The following NEDD4 variants were observed in gnomAD, a reference collection of about 807,000 sequenced individuals.
NEDD4 encodes the protein NEDD4 E3 ubiquitin protein ligase.
Under a neutral mutation model 144.9 loss-of-function variants are expected in NEDD4, and 99 were observed. The observed-to-expected ratio is 0.68, with a 90% CI of 0.58 to 0.81. NEDD4 has a LOEUF of 0.81. NEDD4 is among the 30% of genes least tolerant of loss of function. The pLI, the probability that NEDD4 is intolerant of heterozygous loss-of-function variation, is 0.00. For missense variants in NEDD4, 985 were observed against 1,065.9 expected (o/e 0.92, Z 1.06); for synonymous variants, 318 against 350.6 (o/e 0.91, Z 1.04).
At chr15:55,893,940 G>A (rs905940209) in intron 5 of NEDD4, among the ~76,000 whole-genome samples, 13 of 151,714 alleles carry the variant, frequency 8.6e-5, no homozygotes, top group African/African-American at 3.2e-4. Flanking sequence ...TATTGACTGT[G>A]CTTTATACTA....
chr15:55,848,990 T>A, intron 14 of NEDD4, 104 bp from the exon 15 acceptor site: 1 of 886,346 alleles, frequency 1.1e-6, no homozygotes, highest in Non-Finnish European at 1.8e-6. Context: ...TAAAATATTC[T>A]CTTGTAAAAG....
chr15:55,982,745 A>C (rs1028321477), intron 1 of NEDD4, among the ~76,000 whole-genome samples: 1 of 152,188 alleles, frequency 6.6e-6, no homozygotes, highest in Non-Finnish European at 1.5e-5. Flanking sequence ...CCCCACCCCC[A>C]TTCCATAAAA....
intron 4 of NEDD4, among the ~76,000 whole-genome samples, chr15:55,939,139 C>A (rs1314798416): frequency 8.6e-6 from 1 of 116,854 alleles, no homozygotes; most frequent in Non-Finnish European, 1.8e-5. Flanking sequence ...AAAAAACCCA[C>A]CACCAACAAT....
intron 5 of NEDD4, among the ~76,000 whole-genome samples, chr15:55,900,739 G>A (rs1187977382): frequency 2.0e-5 from 3 of 152,054 alleles, no homozygotes; most frequent in Non-Finnish European, 2.9e-5. Context: ...CTATATAAAT[G>A]TAAAATTATA....
intron 19 of NEDD4, among the ~76,000 whole-genome samples, chr15:55,841,667 G>A (rs184982823): frequency 1.3e-5 from 2 of 152,140 alleles, no homozygotes; most frequent in South Asian, 2.1e-4. Flanking sequence ...CGCCTTCCGG[G>A]TTCACGCCAT....
intron 1 of NEDD4, among the ~76,000 whole-genome samples, chr15:55,979,047 C>A (rs2037752245): frequency 6.6e-6 from 1 of 151,034 alleles, no homozygotes; most frequent in Admixed American, 6.6e-5. Flanking sequence ...TGTCCCCCAC[C>A]CTAGTAAGTC....
intron 5 of NEDD4, among the ~76,000 whole-genome samples, chr15:55,912,542 C>G (rs1040981651): frequency 6.6e-6 from 1 of 152,000 alleles, no homozygotes; most frequent in African/African-American, 2.4e-5. Flanking sequence ...TGCTAATGCA[C>G]ATTAAATAAT....
In NEDD4 at chr15:55,951,539, G is replaced by C. The variant is rs1278877107; in HGVS notation, c.170C>G (p.Thr57Arg). 1 of 1,521,884 alleles carries C rather than the reference G, an allele frequency of 6.6e-7. No individual in the cohort carries two copies. 94.3% of individuals were successfully genotyped at this position (1,521,884 alleles called of 1,614,324 possible). ...TTTAATGGTTTTTGTTTGCACACTT[G>C]TAAGAACTCCATTCATTGGGTCATA... is the stretch of plus-strand genomic sequence containing the variant. Reference protein sequence around the residue: ...TLYDPMNGVLTSVQTKTIKKS... With the variant: ...TLYDPMNGVLRSVQTKTIKKS... The change falls in exon 3 of 29, where the codon ACA becomes AGA. Residue 57 changes from threonine (T) to arginine (R), a missense_variant. Physicochemically the swap from Thr to Arg is moderately conservative, Grantham distance 71 (BLOSUM62 -1). Transcript: ENST00000435532.
intron 5 of NEDD4, chr15:55,915,286 T>C (rs749075110): frequency 6.4e-7 from 1 of 1,556,518 alleles, no homozygotes; most frequent in Non-Finnish European, 8.6e-7. Context: ...AAACTTACCT[T>C]GCAAGAATTA....
At chr15:55,924,983 G>A (rs1457492218) in intron 4 of NEDD4, among the ~76,000 whole-genome samples, 2 of 152,326 alleles carry the variant, frequency 1.3e-5, no homozygotes, top group East Asian at 1.9e-4. Context: ...CAGGAAAATC[G>A]CTTCAACCTG....
intron 1 of NEDD4, among the ~76,000 whole-genome samples, chr15:55,967,462 G>A (rs2037533654): frequency 6.6e-6 from 1 of 150,936 alleles, no homozygotes; most frequent in African/African-American, 2.4e-5. Context: ...GTGTGTGTGT[G>A]TGTGTGTGTG....
chr15:55,860,969 C>T (rs74015312), intron 9 of NEDD4, among the ~76,000 whole-genome samples, 191 bp from the exon 10 acceptor site: 4,412 of 152,180 alleles, frequency 0.029, 228 homozygotes, highest in African/African-American at 0.1. Flanking sequence ...GAGTACCTTA[C>T]GGAGTTTAAG....
chr15:55,950,419 A>T (rs374096436), intron 4 of NEDD4, among the ~76,000 whole-genome samples: 5 of 152,298 alleles, frequency 3.3e-5, no homozygotes, highest in South Asian at 4.1e-4. Flanking sequence ...ACAAACAAAA[A>T]ATCTTTAAAC....
intron 1 of NEDD4, among the ~76,000 whole-genome samples, chr15:55,985,650 T>C (rs768150868): frequency 6.6e-6 from 1 of 152,128 alleles, no homozygotes; most frequent in Admixed American, 6.5e-5. Context: ...TAGGTTTGAA[T>C]TGGAAAAAAT....
intron 2 of NEDD4, among the ~76,000 whole-genome samples, chr15:55,952,007 ACTG>A (rs2037249178): frequency 6.6e-6 from 1 of 151,436 alleles, no homozygotes; most frequent in South Asian, 2.1e-4. Context: ...GTAAAGGCAA[ACTG>A]CTTTCACTTA....
At chr15:55,894,678 G>C (rs1480823277) in intron 5 of NEDD4, among the ~76,000 whole-genome samples, 3 of 152,078 alleles carry the variant, frequency 2.0e-5, no homozygotes, top group African/African-American at 7.2e-5. Context: ...AATTATCACA[G>C]ACTTGTGAAA....
At chr15:55,838,960 A>T (rs997783858) in intron 21 of NEDD4, among the ~76,000 whole-genome samples, 3 of 152,226 alleles carry the variant, frequency 2.0e-5, no homozygotes, top group African/African-American at 7.2e-5. Context: ...CTGGATATCC[A>T]GGAGCACTTA....
rs1347006823 is a variant in NEDD4, at chr15:55,839,996, AAAAATATATATATATATATATATATAT to A, written c.2031+424_2031+450del. 2.7e-3 allele frequency among the ~76,000 whole-genome samples: 79 copies of A among 29,320 alleles called. 4 individuals carry two copies. Among genetic ancestry groups the A allele is most frequent in the Admixed American group, 4.2e-3 (9 of 2,120 alleles). 19.2% of individuals were successfully genotyped at this position (29,320 alleles called of 152,430 possible). On this transcript the variant is annotated intron_variant, in intron 21 of 28. Transcript: ENST00000435532. ...CTCAAAAAAAAAAAAAAAAAAAAAA[AAAAATATATATATATATATATATATAT>A]ATATATATATATATATATAACATTC...
At chr15:55,868,017 C>T (rs1268552060) in intron 8 of NEDD4, among the ~76,000 whole-genome samples, 2 of 149,250 alleles carry the variant, frequency 1.3e-5, no homozygotes, top group African/African-American at 2.5e-5. Context: ...GATTGCACCA[C>T]TGCACTCCAG....
Sources: allele counts gnomAD v4.1 joint callset (sites outside exome capture counted in the v4.1 genomes callset), GRCh38; gene constraint gnomAD v4.1.1; transcripts MANE v1.5; gene names NCBI Gene and HGNC (gene_info 2026-07-23, HGNC 2026-07-21).